The following KCNH5 variants were observed in gnomAD, a reference collection of about 807,000 sequenced individuals.
KCNH5 encodes the protein potassium voltage-gated channel subfamily H member 5.
A neutral mutation model predicts 96.1 loss-of-function variants in KCNH5; 46 were observed. The ratio of observed to expected loss-of-function variants is 0.48; its 90% CI spans 0.38 to 0.61. The LOEUF (loss-of-function observed/expected upper bound fraction) is 0.61. Ranked by LOEUF, KCNH5 falls within the 20% of genes least tolerant of loss-of-function variation. The pLI, the probability that KCNH5 is intolerant of heterozygous loss-of-function variation, is 0.00. For missense variants in KCNH5, 907 were observed against 1,225.8 expected, an observed-to-expected ratio of 0.74 and a Z score of 3.88; for synonymous variants, 439 against 449.8, an observed-to-expected ratio of 0.98 and a Z score of 0.30.
intron 8 of KCNH5, among the ~76,000 whole-genome samples, chr14:62,848,404 T>C (rs996407378): frequency 2.0e-5 from 3 of 152,200 alleles, no homozygotes; most frequent in Non-Finnish European, 2.9e-5. Flanking sequence ...TTTTCATGCG[T>C]ACTACTTCAA....
intron 5 of KCNH5, among the ~76,000 whole-genome samples, chr14:62,986,070 G>A (rs1890701408): frequency 6.6e-6 from 1 of 152,048 alleles, no homozygotes; most frequent in Non-Finnish European, 1.5e-5. Flanking sequence ...ACCCACTTCT[G>A]CTACCACTAT....
intron 10 of KCNH5, among the ~76,000 whole-genome samples, chr14:62,725,643 AT>A (rs1205843534): frequency 8.5e-5 from 13 of 152,228 alleles, no homozygotes; most frequent in African/African-American, 3.1e-4. Context: ...GACACATACT[AT>A]GCACAGGGAA....
chr14:62,716,733 G>T (rs968218546), intron 10 of KCNH5, among the ~76,000 whole-genome samples: 2 of 152,192 alleles, frequency 1.3e-5, no homozygotes, highest in African/African-American at 4.8e-5. Flanking sequence ...CCTAATATCA[G>T]CAAAGAGAGG....
intron 3 of KCNH5, among the ~76,000 whole-genome samples, chr14:63,003,419 T>C (rs375119493): frequency 7.1e-6 from 1 of 141,684 alleles, no homozygotes; most frequent in Admixed American, 7.6e-5. Context: ...AGTTCTGCAT[T>C]TGAGTACACA....
At chr14:62,852,012 T>A (rs942415347) in intron 7 of KCNH5, among the ~76,000 whole-genome samples, 1 of 152,172 alleles carries the variant, frequency 6.6e-6, no homozygotes, top group Non-Finnish European at 1.5e-5. Context: ...ATTATCAACA[T>A]CCCATTAAGT....
At chr14:62,750,060 T>C (rs1281702167) in intron 10 of KCNH5, among the ~76,000 whole-genome samples, 1 of 152,104 alleles carries the variant, frequency 6.6e-6, no homozygotes, top group Non-Finnish European at 1.5e-5. Context: ...CACTAATAAA[T>C]ATGTAAATAT....
intron 7 of KCNH5, among the ~76,000 whole-genome samples, chr14:62,871,237 C>T (rs1230520518): frequency 1.3e-5 from 2 of 152,070 alleles, no homozygotes; most frequent in African/African-American, 2.4e-5. Context: ...CCAGGGAAAC[C>T]GTAGTTAATA....
chr14:62,908,821 T>G (rs866109842), intron 7 of KCNH5, among the ~76,000 whole-genome samples: 96 of 116,600 alleles, frequency 8.2e-4, no homozygotes, highest in Non-Finnish European at 1.4e-3. Flanking sequence ...TTTGCTGTAA[T>G]AAATCTTAGT....
chr14:62,803,489 T>C (rs1188902189), intron 8 of KCNH5, among the ~76,000 whole-genome samples: 1 of 152,144 alleles, frequency 6.6e-6, no homozygotes, highest in Non-Finnish European at 1.5e-5. Flanking sequence ...CTTGGGTGGT[T>C]GGAAATGTCA....
At chr14:62,854,892 G>A (rs1887899298) in intron 7 of KCNH5, among the ~76,000 whole-genome samples, 1 of 148,800 alleles carries the variant, frequency 6.7e-6, no homozygotes, top group Admixed American at 6.6e-5. Flanking sequence ...TCAATGGAAG[G>A]GGTCAGAAAT....
chr14:63,023,760 A>C (rs1438613826), intron 1 of KCNH5, among the ~76,000 whole-genome samples: 1 of 152,218 alleles, frequency 6.6e-6, no homozygotes, highest in Non-Finnish European at 1.5e-5. Context: ...AAGAAAATTA[A>C]AATCATATAA....
chr14:62,861,997 T>C (rs930165562), intron 7 of KCNH5, among the ~76,000 whole-genome samples: 1 of 152,216 alleles, frequency 6.6e-6, no homozygotes, highest in Non-Finnish European at 1.5e-5. Flanking sequence ...TGTTTATGGC[T>C]CTTCTCTGTT....
intron 4 of KCNH5, among the ~76,000 whole-genome samples, chr14:62,991,286 AG>A (rs1419663709): frequency 2.6e-5 from 4 of 152,056 alleles, no homozygotes; most frequent in Non-Finnish European, 4.4e-5. Context: ...GCTTATATGA[AG>A]GAAGTCTTTT....
At chr14:62,752,338 G>A (rs1885519715) in intron 10 of KCNH5, among the ~76,000 whole-genome samples, 1 of 151,976 alleles carries the variant, frequency 6.6e-6, no homozygotes, top group African/African-American at 2.4e-5. Flanking sequence ...AAGAATGAGT[G>A]AGACTTTATT....
intron 6 of KCNH5, among the ~76,000 whole-genome samples, chr14:62,951,190 A>G (rs1889998748): frequency 6.6e-6 from 1 of 151,960 alleles, no homozygotes; most frequent in Non-Finnish European, 1.5e-5. Context: ...TGTGTGGCCT[A>G]CTATCCTATC....
chr14:62,831,003 C>T (rs1043467089), intron 8 of KCNH5, among the ~76,000 whole-genome samples: 3 of 152,120 alleles, frequency 2.0e-5, no homozygotes, highest in African/African-American at 7.2e-5. Flanking sequence ...GTGTGGCCTT[C>T]CCAAAACTGT....
At chr14:62,956,261 A>G (rs534765297) in intron 6 of KCNH5, among the ~76,000 whole-genome samples, 92 of 152,142 alleles carry the variant, frequency 6.0e-4, no homozygotes, top group Non-Finnish European at 8.5e-4. Context: ...ACAAAAGAGT[A>G]TATACTGTAT....
Position 62,790,725 on chromosome 14 carries a change from T to C in KCNH5, c.1823-10801A>G, listed in dbSNP as rs541841276. Among the ~76,000 whole-genome samples, 3 of 151,864 alleles carry C rather than the reference T, an allele frequency of 2.0e-5. No homozygotes were observed. In the East Asian group the frequency reaches 5.8e-4, roughly 29 times the overall value. On this transcript the variant is annotated intron_variant, in intron 9 of 10. Transcript: ENST00000322893. ...TTGGTTAAATTCATTACTATGTATTTTTTGTAACAATTGTAAGTGAGATTT... is the reference window on the plus strand; with the variant it reads ...TTGGTTAAATTCATTACTATGTATTCTTTGTAACAATTGTAAGTGAGATTT...
chr14:62,938,815 C>T (rs12433240), intron 7 of KCNH5, among the ~76,000 whole-genome samples: 5 of 152,296 alleles, frequency 3.3e-5, no homozygotes, highest in Admixed American at 2.6e-4. Flanking sequence ...AACGTCTGTT[C>T]TAAGAAAGTT....
Sources: allele counts gnomAD v4.1 joint callset (sites outside exome capture counted in the v4.1 genomes callset), GRCh38; gene constraint gnomAD v4.1.1; transcripts MANE v1.5; gene names NCBI Gene and HGNC (gene_info 2026-07-23, HGNC 2026-07-21).